LAMA2: variants seen among roughly 807,000 people sequenced by gnomAD.
LAMA2 encodes laminin subunit alpha-2.
In LAMA2, 269 loss-of-function variants were observed where a neutral mutation model predicts 364.8. The observed-to-expected ratio is 0.74, with a 90% CI of 0.67 to 0.82. The LOEUF (loss-of-function observed/expected upper bound fraction) is 0.82, where lower values mean the gene tolerates loss of function less well. LAMA2 is among the 40% of genes least tolerant of loss of function. The probability of loss-of-function intolerance (pLI) is 0.00; values close to 1 mark genes in which losing one functional copy is unlikely to be tolerated. For missense variants in LAMA2, 3,807 were observed against 3,873.2 expected, an observed-to-expected ratio of 0.98 and a Z score of 0.45; for synonymous variants, 1,379 against 1,370.6, an observed-to-expected ratio of 1.01 and a Z score of -0.14.
chr6:129,301,614 G>C (rs577689393), intron 22 of LAMA2, among the ~76,000 whole-genome samples: 3 of 152,238 alleles, frequency 2.0e-5, no homozygotes, highest in African/African-American at 7.2e-5. Context: ...ATGATAATAA[G>C]TACCATGTGC....
At chr6:129,360,569 A>G (rs982536291) in intron 32 of LAMA2, among the ~76,000 whole-genome samples, 1 of 152,168 alleles carries the variant, frequency 6.6e-6, no homozygotes, top group Admixed American at 6.6e-5. Flanking sequence ...TATTGCTTGG[A>G]GCGTACTATA....
chr6:129,149,469 C>A (rs1583139051), intron 7 of LAMA2, among the ~76,000 whole-genome samples: 1 of 152,072 alleles, frequency 6.6e-6, no homozygotes, highest in African/African-American at 2.4e-5. Flanking sequence ...GTAAATCAGC[C>A]CTAACCACAT....
At chr6:129,143,771 G>A in intron 4 of LAMA2, 130 bp from the exon 5 acceptor site, 1 of 674,288 alleles carries the variant, frequency 1.5e-6, no homozygotes. Flanking sequence ...CAGTGCATAG[G>A]CATGTACCTG....
At position 129,049,966 on chromosome 6, in the gene LAMA2, C is replaced by T. The variant is rs755569689; in HGVS notation, c.161C>T (p.Thr54Ile). The T allele has an allele frequency of 6.2e-7, 1 of 1,613,776 alleles. No individual in the cohort carries two copies. The highest frequency in any genetic ancestry group is 2.2e-5 in the East Asian group (1 of 44,882). The change falls in exon 2 of 65, where the codon ACC (threonine) becomes ATC (isoleucine). Residue 54 changes from threonine to isoleucine, a missense_variant. Around this residue, in one of 3 missense-constraint regions of LAMA2, gnomAD observed 394 missense variants for 403.5 expected, o/e 0.98. Coordinates refer to ENST00000421865, the MANE Select transcript of LAMA2 (RefSeq NM_000426.4). Reference protein sequence around the residue: ...LNLASNALITTNATCGEKGPE... With the variant: ...LNLASNALITINATCGEKGPE... Reference sequence around the variant, plus strand: ...CTTGCTTCTAATGCTCTTATCACGACCAATGCAACATGTGGAGAAAAAGGA... The same window carrying T: ...CTTGCTTCTAATGCTCTTATCACGATCAATGCAACATGTGGAGAAAAAGGA...
At chr6:129,081,227 A>G (rs1774031785) in intron 3 of LAMA2, among the ~76,000 whole-genome samples, 1 of 143,386 alleles carries the variant, frequency 7.0e-6, no homozygotes, top group African/African-American at 2.6e-5. Flanking sequence ...GTAACATCAC[A>G]CACCGGGGCC....
intron 49 of LAMA2, among the ~76,000 whole-genome samples, chr6:129,463,800 T>C (rs1304282842): frequency 6.6e-6 from 1 of 152,008 alleles, no homozygotes; most frequent in Admixed American, 6.6e-5. Context: ...GATGGTCTCA[T>C]GAAATTTACA....
chr6:129,417,483 G>T (rs1780857407), intron 40 of LAMA2, among the ~76,000 whole-genome samples: 1 of 152,052 alleles, frequency 6.6e-6, no homozygotes, highest in African/African-American at 2.4e-5. Flanking sequence ...GTGGCCATGA[G>T]CTGGCCCAAA....
At chr6:129,072,585 A>G (rs1014128066) in intron 3 of LAMA2, among the ~76,000 whole-genome samples, 3 of 152,058 alleles carry the variant, frequency 2.0e-5, no homozygotes, top group Non-Finnish European at 4.4e-5. Flanking sequence ...TCAAATTACC[A>G]TATTCTCATC....
intron 40 of LAMA2, among the ~76,000 whole-genome samples, chr6:129,416,106 G>A (rs1780775950): frequency 1.0e-5 from 1 of 96,886 alleles, no homozygotes; most frequent in East Asian, 3.4e-4. Flanking sequence ...CCGCCACTAC[G>A]CCCGGCTAAT....
chr6:129,310,577 T>C (rs1774156376), intron 22 of LAMA2, among the ~76,000 whole-genome samples: 1 of 152,142 alleles, frequency 6.6e-6, no homozygotes, highest in Non-Finnish European at 1.5e-5. Context: ...TAATGCCAAG[T>C]CATGCTCTGC....
At chr6:129,332,889 T>C (rs1170089465) in intron 29 of LAMA2, among the ~76,000 whole-genome samples, 1 of 61,108 alleles carries the variant, frequency 1.6e-5, no homozygotes, top group East Asian at 3.7e-4. Flanking sequence ...TACCATTTTT[T>C]TTTTTTTTTT....
At chr6:128,982,749 C>A (rs1350575337) in intron 1 of LAMA2, among the ~76,000 whole-genome samples, 1 of 112,320 alleles carries the variant, frequency 8.9e-6, no homozygotes, top group Non-Finnish European at 1.8e-5. Context: ...AATGCTATCC[C>A]TCCCCCCTCC....
At chr6:129,491,875 C>CT (rs774699848) in intron 56 of LAMA2, 26 bp from the exon 57 acceptor site, 3 of 1,536,608 alleles carry the variant, frequency 2.0e-6, no homozygotes, top group Non-Finnish European at 1.8e-6. Flanking sequence ...GTGACTTATA[C>CT]TTGTTTATTT....
chr6:129,440,382 A>G (rs1405049667), intron 42 of LAMA2, among the ~76,000 whole-genome samples: 1 of 151,712 alleles, frequency 6.6e-6, no homozygotes. Flanking sequence ...ATGGCCTAAC[A>G]TACCTGAAAA....
rs1331953350 is a variant in LAMA2, at chr6:128,883,238, C to T, written c.-8C>T. 6.5e-7 allele frequency: 1 copy of T among 1,549,716 alleles called. No individual in the cohort carries two copies. The highest frequency in any genetic ancestry group is 2.4e-5 in the East Asian group (1 of 41,134). On this transcript the variant is annotated 5_prime_UTR_variant, in exon 1 of 65. Coordinates refer to ENST00000421865, the MANE Select transcript of LAMA2 (RefSeq NM_000426.4). ...TCCCGAGAAGTGGATCCGGTCGCGG[C>T]CACTACGATGCCGGGAGCCGCCGGG... is the stretch of plus-strand genomic sequence containing the variant.
chr6:129,439,043 A>T (rs1193552805), intron 42 of LAMA2, among the ~76,000 whole-genome samples: 1 of 151,638 alleles, frequency 6.6e-6, no homozygotes, highest in African/African-American at 2.4e-5. Flanking sequence ...ATCCTTCAGT[A>T]TTGGCAGGGG....
chr6:129,392,567 G>T (rs1034807810), intron 36 of LAMA2, among the ~76,000 whole-genome samples: 53 of 152,162 alleles, frequency 3.5e-4, no homozygotes, highest in African/African-American at 1.2e-3. Context: ...AGATCAATCA[G>T]TTGGAAGAAA....
In LAMA2 at chr6:129,092,478, C is replaced by T. The variant is rs7357064; in HGVS notation, c.397-5695C>T. ...GGATAAATAAGAGAATTGAAAAACG[C>T]ACTATTAGAACTGAGAGTACAGATG... On this transcript the variant is annotated intron_variant, in intron 3 of 64. Coordinates refer to ENST00000421865, the MANE Select transcript of LAMA2 (RefSeq NM_000426.4). Among the ~76,000 whole-genome samples the T allele has an allele frequency of 5.3e-4, 81 of 152,242 alleles. 1 individual carries two copies. The highest frequency in any genetic ancestry group is 1.6e-3 in the African/African-American group (65 of 41,544).
In LAMA2 at chr6:129,468,347, C is replaced by G. The variant is rs1412834034; in HGVS notation, c.7300+3058C>G. Among the ~76,000 whole-genome samples the G allele has an allele frequency of 2.6e-5, 4 of 151,786 alleles. No individual in the cohort carries two copies. In the East Asian group the frequency reaches 7.8e-4, roughly 29 times the overall value. On this transcript the variant is annotated intron_variant, in intron 51 of 64. Transcript: ENST00000421865. Reference sequence around the variant, plus strand: ...CTCTGGTGTCTCACCACAAATTTCTCAAGTTAAACAGGTGAAATTTTTTAT... The same window carrying G: ...CTCTGGTGTCTCACCACAAATTTCTGAAGTTAAACAGGTGAAATTTTTTAT...
Sources: allele counts gnomAD v4.1 joint callset (sites outside exome capture counted in the v4.1 genomes callset), GRCh38; gene constraint gnomAD v4.1.1; regional missense constraint gnomAD v4.1.1; transcripts MANE v1.5; gene names NCBI Gene and HGNC (gene_info 2026-07-23, HGNC 2026-07-21).